FAF1: variants seen among roughly 807,000 people sequenced by gnomAD.
FAF1 encodes FAS-associated factor 1.
In FAF1, 25 loss-of-function variants were observed where a neutral mutation model predicts 92.5. That is an observed-to-expected ratio of 0.27 (90% CI 0.20 to 0.38). The LOEUF is 0.38. Among genes scored for constraint, FAF1 ranks in the 10% least tolerant of loss-of-function variants. FAF1 has a pLI of 1.00. For missense variants in FAF1, 636 were observed against 793.3 expected (o/e 0.80, Z 2.38); for synonymous variants, 234 against 273.2 (o/e 0.86, Z 1.42).
chr1:50,579,809 C>G (rs140871242), intron 12 of FAF1, among the ~76,000 whole-genome samples: 1 of 152,118 alleles, frequency 6.6e-6, no homozygotes, highest in East Asian at 1.9e-4. Context: ...TTTAAGATAT[C>G]TAATACTCAA....
At chr1:50,453,020 A>G (rs1261280179) in intron 18 of FAF1, among the ~76,000 whole-genome samples, 1 of 152,122 alleles carries the variant, frequency 6.6e-6, no homozygotes, top group Non-Finnish European at 1.5e-5. Flanking sequence ...AAAGTTCTTA[A>G]ATGACTCCTT....
chr1:50,457,728 A>AAAAAAAAAAAAAAAAAAAAAC (rs1646372047), intron 18 of FAF1, among the ~76,000 whole-genome samples: 1 of 147,248 alleles, frequency 6.8e-6, no homozygotes, highest in Non-Finnish European at 1.5e-5. Context: ...TCTCTGCAAA[A>AAAAAAAAAAAAAAAAAAAAAC]AAAAAAAAAA....
chr1:50,457,620 G>C lies in FAF1; in HGVS notation c.1870-16097C>G, dbSNP rs561249617. ...TTTGATTTCTTGGTCAGGTGTGGTG[G>C]CTCATGCCTGTAATCCCAGCACTTT... On this transcript the variant is annotated intron_variant, in intron 18 of 18. Coordinates refer to ENST00000396153, the MANE Select transcript of FAF1 (RefSeq NM_007051.3). 4.7e-5 allele frequency among the ~76,000 whole-genome samples: 7 copies of C among 150,328 alleles called. No homozygotes were observed. In the South Asian group the frequency reaches 1.5e-3, roughly 31 times the overall value.
At chr1:50,743,257 C>T (rs1011030975) in intron 5 of FAF1, among the ~76,000 whole-genome samples, 2 of 152,202 alleles carry the variant, frequency 1.3e-5, no homozygotes, top group African/African-American at 4.8e-5. Context: ...CTTATAAACA[C>T]AATGACTGCA....
At position 50,556,238 on chromosome 1, in the gene FAF1, CAAA is replaced by C. The variant is rs34420030; in HGVS notation, c.1268+10836_1268+10838del. ...GGGCGAAAGAGCGAGACTCCATCTC[CAAA>C]AAAAAAAAAAAAAAAAAAAGAATAA... is the stretch of plus-strand genomic sequence containing the variant. On this transcript the variant is annotated intron_variant, in intron 13 of 18. Coordinates refer to ENST00000396153, the MANE Select transcript of FAF1 (RefSeq NM_007051.3). Among the ~76,000 whole-genome samples, 5 of 73,802 alleles carry C rather than the reference CAAA, an allele frequency of 6.8e-5. No individual in the cohort carries two copies. The East Asian group carries it at 1.5e-3, about 22-fold the overall frequency. 48.4% of individuals were successfully genotyped at this position (73,802 alleles called of 152,430 possible). A position where few individuals can be genotyped will look rare whatever the true frequency, so the allele number is the denominator to read the frequency against.
intron 15 of FAF1, among the ~76,000 whole-genome samples, chr1:50,493,586 C>A (rs751225730): frequency 3.3e-5 from 5 of 152,140 alleles, no homozygotes; most frequent in Non-Finnish European, 7.3e-5. Context: ...TTAATTATCA[C>A]ATAATTATTT....
intron 7 of FAF1, among the ~76,000 whole-genome samples, chr1:50,690,500 C>T (rs1297007972): frequency 6.6e-6 from 1 of 151,960 alleles, no homozygotes; most frequent in Non-Finnish European, 1.5e-5. Flanking sequence ...ATTCGGGAGG[C>T]TGAGGTAGGA....
At chr1:50,586,785 C>T (rs1178430777) in intron 9 of FAF1, among the ~76,000 whole-genome samples, 2 of 152,204 alleles carry the variant, frequency 1.3e-5, no homozygotes, top group Non-Finnish European at 2.9e-5. Flanking sequence ...GACAACAGTG[C>T]TTGAGTTCCC....
At chr1:50,487,573 TAC>T (rs904597374) in intron 17 of FAF1, among the ~76,000 whole-genome samples, 1 of 152,194 alleles carries the variant, frequency 6.6e-6, no homozygotes, top group Non-Finnish European at 1.5e-5. Context: ...AGAATAGTCT[TAC>T]AGCCTTTCTC....
chr1:50,830,063 C>T (rs1292399997), intron 2 of FAF1, among the ~76,000 whole-genome samples: 1 of 152,152 alleles, frequency 6.6e-6, no homozygotes, highest in African/African-American at 2.4e-5. Flanking sequence ...ATGTCTAACT[C>T]TCTCTTCATG....
chr1:50,571,196 T>C (rs1490808391), intron 12 of FAF1, among the ~76,000 whole-genome samples: 1 of 152,194 alleles, frequency 6.6e-6, no homozygotes, highest in Non-Finnish European at 1.5e-5. Context: ...AAAAAGAATA[T>C]ATTTTATTTG....
intron 8 of FAF1, among the ~76,000 whole-genome samples, chr1:50,615,483 T>G (rs1652872588): frequency 6.6e-6 from 1 of 152,230 alleles, no homozygotes; most frequent in South Asian, 2.1e-4. Flanking sequence ...TAATTTACAT[T>G]ACCACTAACA....
chr1:50,539,852 T>C (rs1648678118), intron 13 of FAF1, 124 bp from the exon 14 acceptor site: 3 of 649,356 alleles, frequency 4.6e-6, no homozygotes, highest in Non-Finnish European at 7.9e-6. Context: ...GATATCAATA[T>C]GTAAAATCTT....
At chr1:50,627,347 A>G (rs933631533) in intron 8 of FAF1, among the ~76,000 whole-genome samples, 6 of 152,162 alleles carry the variant, frequency 3.9e-5, no homozygotes, top group African/African-American at 1.4e-4. Context: ...GCCAAATGAA[A>G]AAGCGTCTCA....
At chr1:50,914,268 A>G (rs1278428516) in intron 1 of FAF1, among the ~76,000 whole-genome samples, 3 of 152,246 alleles carry the variant, frequency 2.0e-5, no homozygotes, top group African/African-American at 7.2e-5. Context: ...TTCATCAAAT[A>G]CACCAAAGAG....
chr1:50,696,793 G>A (rs769437541), intron 7 of FAF1, among the ~76,000 whole-genome samples: 5 of 151,986 alleles, frequency 3.3e-5, no homozygotes, highest in East Asian at 1.9e-4. Context: ...TCCATCAAGC[G>A]TCCATGTTCA....
intron 1 of FAF1, among the ~76,000 whole-genome samples, chr1:50,893,570 T>C (rs1003761251): frequency 4.6e-5 from 7 of 152,180 alleles, no homozygotes; most frequent in African/African-American, 1.4e-4. Context: ...ACTGAGTTGC[T>C]TGGAGCTGGG....
intron 18 of FAF1, among the ~76,000 whole-genome samples, chr1:50,442,075 A>G (rs1272433129): frequency 1.3e-5 from 2 of 152,238 alleles, no homozygotes; most frequent in South Asian, 2.1e-4. Context: ...ATACAACTTT[A>G]TATTTTAAAA....
intron 7 of FAF1, among the ~76,000 whole-genome samples, chr1:50,664,033 C>G (rs906935463): frequency 4.2e-5 from 6 of 141,216 alleles, no homozygotes; most frequent in African/African-American, 1.4e-4. Context: ...GAGTCTCGCT[C>G]TGTCACCAGG....
Sources: allele counts gnomAD v4.1 joint callset (sites outside exome capture counted in the v4.1 genomes callset), GRCh38; gene constraint gnomAD v4.1.1; transcripts MANE v1.5; gene names NCBI Gene and HGNC (gene_info 2026-07-23, HGNC 2026-07-21).